The following ITFG1 variants were observed in gnomAD, a reference collection of about 807,000 sequenced individuals.
ITFG1 encodes integrin alpha FG-GAP repeat containing 1, also known as T-cell immunomodulatory protein.
In ITFG1, 34 loss-of-function variants were observed where a neutral mutation model predicts 81.8. The ratio of observed to expected loss-of-function variants is 0.42; its 90% CI spans 0.32 to 0.55. The LOEUF is 0.55. ITFG1 is among the 20% of genes least tolerant of loss of function. The probability of loss-of-function intolerance (pLI) is 0.17; values close to 1 mark genes in which losing one functional copy is unlikely to be tolerated. For synonymous variants in ITFG1, 285 were observed against 270.6 expected, an observed-to-expected ratio of 1.05 and a Z score of -0.52; for missense variants, 672 against 755.4, an observed-to-expected ratio of 0.89 and a Z score of 1.29.
At chr16:47,319,074 C>T (rs997082179) in intron 8 of ITFG1, among the ~76,000 whole-genome samples, 3 of 152,132 alleles carry the variant, frequency 2.0e-5, no homozygotes, top group Non-Finnish European at 2.9e-5. Flanking sequence ...TGCTTCATAT[C>T]CATCTATGCA....
chr16:47,450,170 T>C (rs1450483247), intron 5 of ITFG1: 2 of 173,670 alleles, frequency 1.2e-5, no homozygotes, highest in African/African-American at 4.8e-5. Flanking sequence ...TCAATTCCTC[T>C]TGGATACGGC....
intron 6 of ITFG1, among the ~76,000 whole-genome samples, chr16:47,378,155 C>A (rs1968350355): frequency 6.6e-6 from 1 of 152,130 alleles, no homozygotes; most frequent in African/African-American, 2.4e-5. Context: ...GGCATGAGTG[C>A]AAGTTCTGAC....
intron 8 of ITFG1, among the ~76,000 whole-genome samples, chr16:47,362,389 G>C (rs1027746906): frequency 2.4e-4 from 36 of 152,128 alleles, no homozygotes; most frequent in Non-Finnish European, 4.9e-4. Flanking sequence ...CACCAGACCA[G>C]AAATTTTGTT....
intron 14 of ITFG1, among the ~76,000 whole-genome samples, chr16:47,188,332 T>G (rs1426457723): frequency 1.3e-5 from 2 of 152,046 alleles, no homozygotes; most frequent in African/African-American, 4.8e-5. Flanking sequence ...ATTGCGGCAT[T>G]ATTCACTATA....
intron 8 of ITFG1, among the ~76,000 whole-genome samples, chr16:47,331,045 C>G (rs918707998): frequency 3.3e-5 from 5 of 152,068 alleles, no homozygotes; most frequent in African/African-American, 1.2e-4. Flanking sequence ...CAGCACTGTT[C>G]ACAATAGCAA....
chr16:47,395,905 G>A (rs1165551594), intron 6 of ITFG1, among the ~76,000 whole-genome samples: 1 of 152,088 alleles, frequency 6.6e-6, no homozygotes, highest in East Asian at 1.9e-4. Flanking sequence ...ATCAAATTAA[G>A]AACACATCTA....
intron 10 of ITFG1, among the ~76,000 whole-genome samples, chr16:47,306,851 T>C (rs1481102756): frequency 6.6e-6 from 1 of 151,418 alleles, no homozygotes; most frequent in African/African-American, 2.4e-5. Flanking sequence ...TCCCAGCACT[T>C]TGGGAGGCCT....
At chr16:47,280,859 C>T (rs745657510) in intron 10 of ITFG1, among the ~76,000 whole-genome samples, 3 of 152,088 alleles carry the variant, frequency 2.0e-5, no homozygotes, top group Admixed American at 6.6e-5. Context: ...AACCTCTAAA[C>T]GACAGGATTT....
intron 2 of ITFG1, among the ~76,000 whole-genome samples, chr16:47,458,549 A>G (rs1007828846): frequency 3.9e-5 from 6 of 152,218 alleles, no homozygotes; most frequent in Non-Finnish European, 2.9e-5. Context: ...TCATGGAGGT[A>G]GAGGTGTGGG....
intron 14 of ITFG1, among the ~76,000 whole-genome samples, chr16:47,172,095 T>G (rs758292041): frequency 1.8e-4 from 28 of 152,220 alleles, no homozygotes; most frequent in Non-Finnish European, 3.2e-4. Flanking sequence ...CAGCATAGAC[T>G]GCCAGTCTCT....
intron 14 of ITFG1, among the ~76,000 whole-genome samples, chr16:47,209,315 A>G (rs1424143444): frequency 1.3e-5 from 2 of 152,162 alleles, no homozygotes; most frequent in Non-Finnish European, 2.9e-5. Context: ...ACTGATCATT[A>G]TATAACCAAT....
chr16:47,310,690 G>A (rs1967244189), intron 10 of ITFG1, among the ~76,000 whole-genome samples: 1 of 152,138 alleles, frequency 6.6e-6, no homozygotes, highest in African/African-American at 2.4e-5. Context: ...CAACAATAAT[G>A]TAACAACATT....
intron 14 of ITFG1, among the ~76,000 whole-genome samples, chr16:47,216,856 T>G (rs962923193): frequency 2.7e-5 from 4 of 150,470 alleles, no homozygotes; most frequent in Non-Finnish European, 4.4e-5. Flanking sequence ...TGGGGCTTTG[T>G]CATGTTGGCC....
chr16:47,438,633 T>C lies in ITFG1; in HGVS notation c.561-9735A>G, dbSNP rs141367637. ...ACCTGCAGATGAGGGTCCTGACTGT[T>C]AGAAGGGAAACTAACAAACAGAATG... On this transcript the variant is annotated intron_variant, in intron 5 of 17. Coordinates refer to ENST00000320640, the MANE Select transcript of ITFG1 (RefSeq NM_030790.5). Among the ~76,000 whole-genome samples the C allele has an allele frequency of 1.3e-3, 202 of 152,204 alleles. 3 individuals carry two copies. The East Asian group carries it at 0.022, about 17-fold the overall frequency.
intron 14 of ITFG1, among the ~76,000 whole-genome samples, chr16:47,174,342 A>G (rs151199621): frequency 6.6e-6 from 1 of 152,140 alleles, no homozygotes; most frequent in Non-Finnish European, 1.5e-5. Context: ...CTATTTGTCA[A>G]AAATAGAACT....
chr16:47,317,917 A>G (rs1967387419), intron 8 of ITFG1: 1 of 152,148 alleles, frequency 6.6e-6, no homozygotes, highest in Non-Finnish European at 1.5e-5. Flanking sequence ...TGTCTTTTAG[A>G]CACGTCAGCT....
chr16:47,274,589 A>G (rs1264314446), intron 10 of ITFG1, among the ~76,000 whole-genome samples: 2 of 152,180 alleles, frequency 1.3e-5, no homozygotes, highest in African/African-American at 4.8e-5. Context: ...AAGTGACCCA[A>G]TTGAAGATTT....
intron 10 of ITFG1, among the ~76,000 whole-genome samples, chr16:47,267,570 C>T (rs1025326594): frequency 2.6e-5 from 4 of 152,068 alleles, no homozygotes; most frequent in Non-Finnish European, 4.4e-5. Flanking sequence ...ACCTGACTGA[C>T]GTTTATTGAC....
In ITFG1 at chr16:47,337,925, A is replaced by G. The variant is rs142918766; in HGVS notation, c.803-24102T>C. Among the ~76,000 whole-genome samples, 206 of 152,318 alleles carry G rather than the reference A, an allele frequency of 1.4e-3. 1 individual carries two copies. Among genetic ancestry groups the G allele is most frequent in the Admixed American group, 3.9e-3 (59 of 15,306 alleles). ...CCTAGCACAGAGCCAGTCTGCAAAG[A>G]CTGGGAAATATGATTGCTGTTTGTT... On this transcript the variant is annotated intron_variant, in intron 8 of 17. Transcript: ENST00000320640.
Sources: allele counts gnomAD v4.1 joint callset (sites outside exome capture counted in the v4.1 genomes callset), GRCh38; gene constraint gnomAD v4.1.1; transcripts MANE v1.5; gene names NCBI Gene and HGNC (gene_info 2026-07-23, HGNC 2026-07-21).